Variants in PLSCR5 observed in about 807,000 individuals in gnomAD.
PLSCR5 encodes the protein phospholipid scramblase family member 5, also known as phospholipid scramblase family, member 5.
In PLSCR5, 44 loss-of-function variants were observed where a neutral mutation model predicts 33.6. The ratio of observed to expected loss-of-function variants is 1.31; its 90% confidence interval spans 1.03 to 1.69. The LOEUF is 1.69. Among genes scored for constraint, PLSCR5 ranks in the 40% most tolerant of loss-of-function variants. The pLI, the probability that PLSCR5 is intolerant of heterozygous loss-of-function variation, is 0.00. For missense variants in PLSCR5, 375 were observed against 318.7 expected (o/e 1.18, Z -1.34); for synonymous variants, 148 against 112.3 (o/e 1.32, Z -2.01).
intron 2 of PLSCR5, among the ~76,000 whole-genome samples, chr3:146,596,746 A>T (rs898287434): frequency 6.6e-6 from 1 of 152,124 alleles, no homozygotes; most frequent in African/African-American, 2.4e-5. Context: ...GATTTCCCTC[A>T]TTCTCCTTGT....
In PLSCR5 at chr3:146,586,044, C is replaced by T. The variant is rs931710602; in HGVS notation, c.*30G>A. The T allele has an allele frequency of 2.7e-6, 4 of 1,470,172 alleles. No individual in the cohort carries two copies. Among genetic ancestry groups the T allele is most frequent in the Middle Eastern group, 1.8e-4 (1 of 5,678 alleles). The allele number at this position is 1,470,172 out of a possible 1,614,324, so 91.1% of individuals were successfully genotyped here. A position where few individuals can be genotyped will look rare whatever the true frequency, so the allele number is the denominator to read the frequency against. On this transcript the variant is annotated 3_prime_UTR_variant, in exon 7 of 8. Transcript: ENST00000443512. ...TTTTTACTTACTGAAATATGTTCTG[C>T]ATATTTTATTGTTTTCATTATCTTG...
intron 1 of PLSCR5, among the ~76,000 whole-genome samples, chr3:146,604,842 T>C (rs968873279): frequency 7.2e-5 from 11 of 152,162 alleles, no homozygotes; most frequent in Admixed American, 2.0e-4. Context: ...TTCTAACTTA[T>C]GTGTGAAAAG....
chr3:146,595,748 G>T (rs925858987), intron 2 of PLSCR5, among the ~76,000 whole-genome samples: 4 of 152,206 alleles, frequency 2.6e-5, no homozygotes, highest in Admixed American at 1.3e-4. Flanking sequence ...TAATGTTTAA[G>T]ATGTTTTACA....
intron 2 of PLSCR5, among the ~76,000 whole-genome samples, chr3:146,599,574 G>A (rs1383190801): frequency 6.6e-6 from 1 of 150,718 alleles, no homozygotes; most frequent in African/African-American, 2.4e-5. Context: ...AGAGGGGCTA[G>A]GTTTCGTGCT....
Position 146,594,124 on chromosome 3 carries a change from C to T in PLSCR5, c.249G>A (p.Glu83=), listed in dbSNP as rs746230067. Residue 83 remains glutamate, a synonymous_variant, in exon 4 of 8, where the codon GAG becomes GAA. Coordinates refer to ENST00000443512, the MANE Select transcript of PLSCR5 (RefSeq NM_001085420.2). ...TTTTAATCTCATATTTGTTGGAGGT[C>T]TCAGTACCAAGTATCACTAATGGAA... is the stretch of plus-strand genomic sequence containing the variant. The part of the protein sequence containing the change: ...VELLGMILGT[E]TSNKYEIKNS... 1.2e-6 allele frequency: 2 copies of T among 1,612,568 alleles called. No homozygotes were observed. The highest frequency in any genetic ancestry group is 8.5e-7 in the Non-Finnish European group (1 of 1,179,118).
At chr3:146,596,638 C>T (rs556995751) in intron 2 of PLSCR5, among the ~76,000 whole-genome samples, 6 of 152,228 alleles carry the variant, frequency 3.9e-5, no homozygotes, top group South Asian at 2.1e-4. Flanking sequence ...ATTCTCCCTT[C>T]GCATTAATAA....
In PLSCR5 at chr3:146,600,380, G is replaced by T. The variant is rs771899335; in HGVS notation, c.97C>A (p.Pro33Thr). The T allele has an allele frequency of 6.2e-7, 1 of 1,610,590 alleles. No individual in the cohort carries two copies. Among genetic ancestry groups the T allele is most frequent in the Non-Finnish European group, 8.5e-7 (1 of 1,178,182 alleles). Residue 33 changes from proline (P) to threonine (T), a missense_variant, in exon 2 of 8, where the codon CCA (proline) becomes ACA (threonine). By Grantham distance (38) the Pro-to-Thr change is conservative (BLOSUM62 -1). Coordinates refer to ENST00000443512, the MANE Select transcript of PLSCR5 (RefSeq NM_001085420.2). The stretch of plus-strand genomic sequence containing the variant: ...CTCAGCTGCCATGCTTGGTTCCCTG[G>T]ATTGGAAGAGGCAGGAAGGCTTTGG... ...PDQSLPASSN[P>T]GNQAWQLSLP...
At position 146,600,373 on chromosome 3, in the gene PLSCR5, T is replaced by G. The variant is rs778266637; in HGVS notation, c.104A>C (p.Asn35Thr). The change falls in exon 2 of 8, where the codon AAC (asparagine) becomes ACC (threonine). Residue 35 changes from asparagine to threonine, a missense_variant. By Grantham distance (65) the Asn-to-Thr change is moderately conservative. Transcript: ENST00000443512. Reference sequence around the variant, plus strand: ...AGGGAGACTCAGCTGCCATGCTTGGTTCCCTGGATTGGAAGAGGCAGGAAG... The same window carrying G: ...AGGGAGACTCAGCTGCCATGCTTGGGTCCCTGGATTGGAAGAGGCAGGAAG... ...QSLPASSNPG[N>T]QAWQLSLPLP... 6.2e-7 allele frequency: 1 copy of G among 1,610,176 alleles called. No individual in the cohort carries two copies. Among genetic ancestry groups the G allele is most frequent in the Non-Finnish European group, 8.5e-7 (1 of 1,178,006 alleles).
chr3:146,592,476 C>T (rs1240437834), intron 4 of PLSCR5, among the ~76,000 whole-genome samples: 1 of 152,084 alleles, frequency 6.6e-6, no homozygotes, highest in East Asian at 1.9e-4. Context: ...ATTACTTTAG[C>T]ATTTGACTCC....
chr3:146,589,249 A>G (rs1465341682), intron 6 of PLSCR5, among the ~76,000 whole-genome samples: 1 of 152,202 alleles, frequency 6.6e-6, no homozygotes, highest in Non-Finnish European at 1.5e-5. Context: ...CATTCTTAAT[A>G]TCATCTAGCT....
At chr3:146,591,226 C>G (rs9847573) in intron 5 of PLSCR5, among the ~76,000 whole-genome samples, 5,754 of 151,830 alleles carry the variant, frequency 0.038, 123 homozygotes, top group Non-Finnish European at 0.049. Flanking sequence ...CATACTGAAA[C>G]AAGAATGAAG....
At chr3:146,578,584 G>GTTAC (rs2044614084) in intron 7 of PLSCR5, among the ~76,000 whole-genome samples, 1 of 151,972 alleles carries the variant, frequency 6.6e-6, no homozygotes, top group Non-Finnish European at 1.5e-5. Context: ...AATCTGTCAA[G>GTTAC]TTACTTAACC....
chr3:146,591,166 G>A (rs66460167), intron 5 of PLSCR5, among the ~76,000 whole-genome samples: 43,213 of 151,460 alleles, frequency 0.29, 6,314 homozygotes, highest in African/African-American at 0.36. Flanking sequence ...ATTCTAAACT[G>A]TATATATTGG....
chr3:146,579,765 A>C (rs2044621246), intron 7 of PLSCR5, among the ~76,000 whole-genome samples: 1 of 152,244 alleles, frequency 6.6e-6, no homozygotes, highest in Non-Finnish European at 1.5e-5. Flanking sequence ...TAAATTCAGA[A>C]GAAAATATTA....
intron 1 of PLSCR5, 93 bp from the exon 2 acceptor site, chr3:146,600,556 T>C (rs570955316): frequency 1.7e-6 from 2 of 1,154,128 alleles, no homozygotes; most frequent in South Asian, 2.9e-5. Context: ...ATTGATAGGA[T>C]AGTTTATCTC....
chr3:146,581,173 C>T (rs2044630808), downstream of PLSCR5, among the ~76,000 whole-genome samples: 1 of 152,278 alleles, frequency 6.6e-6, no homozygotes, highest in African/African-American at 2.4e-5. Context: ...GTCAATACTC[C>T]AGCATTTAAA....
intron 2 of PLSCR5, among the ~76,000 whole-genome samples, chr3:146,595,762 C>T (rs1180563257): frequency 6.6e-6 from 1 of 152,168 alleles, no homozygotes; most frequent in African/African-American, 2.4e-5. Context: ...TTTTACAACT[C>T]AATTTTTTTA....
intron 6 of PLSCR5, among the ~76,000 whole-genome samples, chr3:146,586,636 G>A (rs1383628604): frequency 6.6e-6 from 1 of 152,148 alleles, no homozygotes; most frequent in Non-Finnish European, 1.5e-5. Flanking sequence ...ATTTGAGGGA[G>A]TACTGAAAAC....
chr3:146,594,283 A>G (rs1289879183), intron 3 of PLSCR5, 143 bp from the exon 4 acceptor site: 1 of 641,206 alleles, frequency 1.6e-6, no homozygotes, highest in Non-Finnish European at 2.6e-6. Context: ...ATTTATTTCT[A>G]TGCTCTAAAT....
Sources: gnomAD v4.1 joint callset for allele counts (sites outside exome capture counted in the v4.1 genomes callset) on GRCh38, gnomAD v4.1.1 for gene constraint, MANE v1.5 for transcripts, NCBI Gene and HGNC (gene_info 2026-07-23, HGNC 2026-07-21) for gene names.